CHSY1: variants seen among roughly 807,000 people sequenced by gnomAD.
CHSY1 encodes the protein chondroitin sulfate synthase 1, also known as N-acetylgalactosaminyl-proteoglycan 3-beta-glucuronosyltransferase 1.
CHSY1 carries 13 observed loss-of-function variants against 59.8 expected under a neutral mutation model. The observed-to-expected ratio is 0.22, with a 90% confidence interval of 0.14 to 0.35. The LOEUF (loss-of-function observed/expected upper bound fraction) is 0.35, where lower values mean the gene tolerates loss of function less well. Among genes scored for constraint, CHSY1 ranks in the 10% least tolerant of loss-of-function variants. The pLI is 1.00. For synonymous variants in CHSY1, 459 were observed against 401.2 expected, an observed-to-expected ratio of 1.14 and a Z score of -1.72; for missense variants, 947 against 1,030.6, an observed-to-expected ratio of 0.92 and a Z score of 1.11.
At chr15:101,195,834 A>C (rs545878632) in intron 2 of CHSY1, among the ~76,000 whole-genome samples, 12 of 152,084 alleles carry the variant, frequency 7.9e-5, no homozygotes, top group African/African-American at 2.4e-4. Context: ...AAAAAAAAAA[A>C]AAAAAACCCT....
At chr15:101,221,594 T>C (rs977323626) in intron 2 of CHSY1, among the ~76,000 whole-genome samples, 1 of 152,186 alleles carries the variant, frequency 6.6e-6, no homozygotes, top group Admixed American at 6.6e-5. Context: ...TTCTAAATTA[T>C]TACAGAATCA....
At chr15:101,195,607 G>C (rs1038272324) in intron 2 of CHSY1, among the ~76,000 whole-genome samples, 2 of 152,138 alleles carry the variant, frequency 1.3e-5, no homozygotes, top group African/African-American at 4.8e-5. Flanking sequence ...AGATCATGAG[G>C]TCAGGAGATC....
intron 2 of CHSY1, among the ~76,000 whole-genome samples, chr15:101,215,453 G>C (rs2038721940): frequency 6.6e-6 from 1 of 152,158 alleles, no homozygotes; most frequent in Admixed American, 6.5e-5. Context: ...TTTAAATATA[G>C]GCCACGCGTG....
intron 2 of CHSY1, among the ~76,000 whole-genome samples, chr15:101,192,396 C>T (rs1824367168): frequency 6.6e-6 from 1 of 151,962 alleles, no homozygotes; most frequent in South Asian, 2.1e-4. Flanking sequence ...GGGCCTTTGC[C>T]TGCTCAGAAA....
chr15:101,220,242 G>T (rs954093841), intron 2 of CHSY1, among the ~76,000 whole-genome samples: 1 of 152,084 alleles, frequency 6.6e-6, no homozygotes, highest in Admixed American at 6.6e-5. Context: ...CTCCTCAGCT[G>T]GTGCCCCCTC....
chr15:101,198,943 C>T (rs2038539668), intron 2 of CHSY1, among the ~76,000 whole-genome samples: 1 of 152,186 alleles, frequency 6.6e-6, no homozygotes, highest in African/African-American at 2.4e-5. Context: ...AGAGCCTTCA[C>T]CTTTATGCTG....
chr15:101,212,002 G>T (rs1193573644), intron 2 of CHSY1, among the ~76,000 whole-genome samples: 1 of 151,410 alleles, frequency 6.6e-6, no homozygotes, highest in African/African-American at 2.4e-5. Context: ...TGGACAAAAG[G>T]TGTGAACAGA....
chr15:101,183,124 A>T (rs1199835375), intron 2 of CHSY1, among the ~76,000 whole-genome samples: 2 of 152,160 alleles, frequency 1.3e-5, no homozygotes, highest in Non-Finnish European at 2.9e-5. Flanking sequence ...AAACTGAAGA[A>T]ATCCCTAGAA....
rs2039121059 is a variant in CHSY1, at chr15:101,251,957, A to C, written c.-501T>G. The C allele has an allele frequency of 6.6e-6, 1 of 150,432 alleles. No homozygotes were observed. The highest frequency in any genetic ancestry group is 1.5e-5 in the Non-Finnish European group (1 of 67,662). 9.3% of individuals were successfully genotyped at this position (150,432 alleles called of 1,614,324 possible). A position where few individuals can be genotyped will look rare whatever the true frequency, so the allele number is the denominator to read the frequency against. On this transcript the variant is annotated 5_prime_UTR_variant, in exon 1 of 3. Transcript: ENST00000254190. ...CATTGCAACAGGAGCCCCTCACGTC[A>C]CGCACGGCGCGTTATGAAGTGGCCC...
Position 101,196,567 on chromosome 15 carries a change from G to A in CHSY1, c.817-17587C>T, listed in dbSNP as rs192653524. 6.6e-5 allele frequency among the ~76,000 whole-genome samples: 10 copies of A among 152,314 alleles called. 1 individual carries two copies. The East Asian group carries it at 1.9e-3, about 29-fold the overall frequency. On this transcript the variant is annotated intron_variant, in intron 2 of 2. Transcript: ENST00000254190. ...CTAACTTGAGAGAAGCCACAGCACT[G>A]TAATGCCACCAAGCGGGATTACACC...
At chr15:101,243,529 C>A (rs979170900) in intron 1 of CHSY1, among the ~76,000 whole-genome samples, 20 of 152,148 alleles carry the variant, frequency 1.3e-4, no homozygotes, top group Non-Finnish European at 2.9e-5. Flanking sequence ...CCACCCTGGC[C>A]CCACAGCCTC....
chr15:101,235,544 C>A lies in CHSY1; in HGVS notation c.354G>T (p.Gln118His), dbSNP rs369607230. The change falls in exon 2 of 3, where the codon CAG becomes CAT. Residue 118 changes from glutamine to histidine, a missense_variant. This residue lies in a region of CHSY1 where 232 missense variants were observed against 188.5 expected (regional missense o/e 1.23). Transcript: ENST00000254190. ...TGTCAGAACCCTCACTTGAGAAGAA[C>A]TGAACTTTCCCAGGAATTGTCTTGG... ...TWSKTIPGKV[Q>H]FFSSEGSDTS... 1.9e-4 allele frequency: 305 copies of A among 1,612,366 alleles called. No individual in the cohort carries two copies. Among genetic ancestry groups the A allele is most frequent in the Non-Finnish European group, 2.5e-4 (294 of 1,179,992 alleles).
intron 2 of CHSY1, chr15:101,188,227 GT>G: frequency 1.0e-6 from 1 of 982,398 alleles, no homozygotes; most frequent in Non-Finnish European, 1.2e-6. Context: ...GTCCTGAAAA[GT>G]GGTTCAAAGA....
At chr15:101,235,000 C>A in intron 2 of CHSY1, 82 bp downstream of exon 2, 1 of 1,546,144 alleles carries the variant, frequency 6.5e-7, no homozygotes, top group South Asian at 1.1e-5. Context: ...GATATCATCT[C>A]TAGTTTCCTA....
chr15:101,178,250 G>C lies in CHSY1; in HGVS notation c.1547C>G (p.Pro516Arg). The C allele has an allele frequency of 3.1e-6, 5 of 1,614,054 alleles. No individual in the cohort carries two copies. The highest frequency in any genetic ancestry group is 4.2e-6 in the Non-Finnish European group (5 of 1,179,902). Reference protein sequence around the residue: ...FLSNSLKKLVPFQLPGSKSEH... With the variant: ...FLSNSLKKLVRFQLPGSKSEH... ...ACTCTTCGACCCAGGGAGCTGAAAGGGGACGAGCTTCTTCAGGGAGTTTGA... is the reference window on the plus strand; with the variant it reads ...ACTCTTCGACCCAGGGAGCTGAAAGCGGACGAGCTTCTTCAGGGAGTTTGA... The change falls in exon 3 of 3, where the codon CCC (proline) becomes CGC (arginine). Residue 516 changes from proline (P) to arginine (R), a missense_variant. Transcript: ENST00000254190.
At chr15:101,220,837 T>G (rs1006053568) in intron 2 of CHSY1, among the ~76,000 whole-genome samples, 1 of 152,236 alleles carries the variant, frequency 6.6e-6, no homozygotes, top group Non-Finnish European at 1.5e-5. Flanking sequence ...CCATTCCCTC[T>G]GTTTGAACTG....
At position 101,178,188 on chromosome 15, in the gene CHSY1, G is replaced by GTATGTT. The variant is rs1227173373; in HGVS notation, c.1603_1608dup (p.Asn535_Ile536dup). 3.7e-6 allele frequency: 6 copies of GTATGTT among 1,614,088 alleles called. No homozygotes were observed. The highest frequency in any genetic ancestry group is 1.3e-5 in the African/African-American group (1 of 74,928). On this transcript the variant is annotated inframe_insertion, in exon 3 of 3. Coordinates refer to ENST00000254190, the MANE Select transcript of CHSY1 (RefSeq NM_014918.5). ...TCGAAACGCCCAGACAAAGGAATCA[G>GTATGTT]TATGTTTATCTTTTTATCTTTGGGT...
At chr15:101,182,270 A>T (rs759989913) in intron 2 of CHSY1, among the ~76,000 whole-genome samples, 1 of 152,210 alleles carries the variant, frequency 6.6e-6, no homozygotes, top group South Asian at 2.1e-4. Context: ...GACGAAAAAT[A>T]TAAGAACTGC....
At chr15:101,185,030 G>A (rs2038336944) in intron 2 of CHSY1, among the ~76,000 whole-genome samples, 1 of 152,190 alleles carries the variant, frequency 6.6e-6, no homozygotes, top group African/African-American at 2.4e-5. Context: ...AGGTAAGGAC[G>A]AGTACCTCCA....
Sources: gnomAD v4.1 joint callset for allele counts (sites outside exome capture counted in the v4.1 genomes callset) on GRCh38, gnomAD v4.1.1 for gene constraint, gnomAD v4.1.1 regional missense constraint, MANE v1.5 for transcripts, NCBI Gene and HGNC (gene_info 2026-07-23, HGNC 2026-07-21) for gene names.